ZNF76: variants seen among roughly 807,000 people sequenced by gnomAD.
The protein encoded by ZNF76 is zinc finger protein 76.
ZNF76 carries 66 observed loss-of-function variants against 66.9 expected under a neutral mutation model. That is an observed-to-expected ratio of 0.99 (90% CI 0.81 to 1.21). ZNF76 has a LOEUF of 1.21. ZNF76 is among the 50% of genes most tolerant of loss of function. The pLI is 0.00. For synonymous variants in ZNF76, 275 were observed against 296.1 expected, an observed-to-expected ratio of 0.93 and a Z score of 0.73; for missense variants, 729 against 760.3, an observed-to-expected ratio of 0.96 and a Z score of 0.48.
Position 35,295,383 on chromosome 6 carries a change from A to G in ZNF76, c.*135A>G, listed in dbSNP as rs959812786. 1 of 772,328 alleles carries G rather than the reference A, an allele frequency of 1.3e-6. No individual in the cohort carries two copies. The highest frequency in any genetic ancestry group is 2.2e-6 in the Non-Finnish European group (1 of 451,398). 47.8% of individuals were successfully genotyped at this position (772,328 alleles called of 1,614,324 possible). On this transcript the variant is annotated 3_prime_UTR_variant, in exon 14 of 14. Coordinates refer to ENST00000373953, the MANE Select transcript of ZNF76 (RefSeq NM_003427.5). ...GTCTCTGGGGTGAGAAGACAGCAAG[A>G]AAACTGCCTAACTGAAGGGAATGGG...
At chr6:35,273,115 C>G (rs1787360671) in intron 1 of ZNF76, among the ~76,000 whole-genome samples, 1 of 151,374 alleles carries the variant, frequency 6.6e-6, no homozygotes, top group South Asian at 2.1e-4. Flanking sequence ...GAGCTCGCAC[C>G]ACTGCACTCT....
intron 1 of ZNF76, among the ~76,000 whole-genome samples, 176 bp from the exon 2 acceptor site, chr6:35,280,880 A>G (rs1206949507): frequency 1.3e-5 from 2 of 152,178 alleles, no homozygotes; most frequent in African/African-American, 2.4e-5. Flanking sequence ...TAACTTTTAG[A>G]ATTCTTAGAT....
chr6:35,268,184 T>C (rs1442087203), intron 1 of ZNF76, among the ~76,000 whole-genome samples: 4 of 152,198 alleles, frequency 2.6e-5, no homozygotes, highest in African/African-American at 9.7e-5. Flanking sequence ...TAAATTATAA[T>C]CACTGTAACA....
chr6:35,292,415 G>A lies in ZNF76; in HGVS notation c.932-139G>A, dbSNP rs897268573. 3.5e-5 allele frequency: 29 copies of A among 819,788 alleles called. 2 individuals are homozygous for A. The South Asian group carries it at 4.6e-4, about 13-fold the overall frequency. 50.8% of individuals were successfully genotyped at this position (819,788 alleles called of 1,614,324 possible). A position where few individuals can be genotyped will look rare whatever the true frequency, so the allele number is the denominator to read the frequency against. On this transcript the variant is annotated intron_variant, in intron 9 of 13. Coordinates refer to ENST00000373953, the MANE Select transcript of ZNF76 (RefSeq NM_003427.5). This position sits in a 1 kb window ranked among gnomAD's most constrained non-coding sequence, Gnocchi z 4.7. ...TCCACTGGCCATCTTCCCCAACCCT[G>A]TCCATTCAGAGTCTCAGGTCTCAGT...
At chr6:35,290,868 C>G (rs1217125738) in intron 7 of ZNF76, 152 bp downstream of exon 7, 6 of 744,062 alleles carry the variant, frequency 8.1e-6, no homozygotes, top group Non-Finnish European at 8.9e-6. Context: ...TGGAGGAAAC[C>G]TTGTTACGGG....
chr6:35,279,976 C>T (rs1788514055), intron 1 of ZNF76, among the ~76,000 whole-genome samples: 1 of 150,660 alleles, frequency 6.6e-6, no homozygotes, highest in Admixed American at 6.7e-5. Context: ...GGATTGCAGG[C>T]ATGTGCCACT....
intron 1 of ZNF76, among the ~76,000 whole-genome samples, chr6:35,271,839 A>G (rs1787112910): frequency 6.6e-6 from 1 of 152,232 alleles, no homozygotes; most frequent in African/African-American, 2.4e-5. Context: ...CTATAATTCT[A>G]GCACTTTGTT....
At chr6:35,269,280 C>A (rs1436740321) in intron 1 of ZNF76, among the ~76,000 whole-genome samples, 375 of 82,074 alleles carry the variant, frequency 4.6e-3, no homozygotes, top group East Asian at 0.014. Context: ...GACTCTGTCT[C>A]AAAAAAAAAA....
chr6:35,291,440 G>T, intron 8 of ZNF76, 37 bp downstream of exon 8: 2 of 1,613,642 alleles, frequency 1.2e-6, no homozygotes, highest in South Asian at 2.2e-5. Context: ...CCCATTCCCT[G>T]GGCAAAAGGA....
rs145319691 is a variant in ZNF76, at chr6:35,291,908, A to G, written c.931+171A>G. 590 of 713,820 alleles carry G rather than the reference A, an allele frequency of 8.3e-4. 4 individuals are homozygous for G. In the African/African-American group the frequency reaches 9.3e-3, roughly 11 times the overall value. 44.2% of individuals were successfully genotyped at this position (713,820 alleles called of 1,614,324 possible). A position where few individuals can be genotyped will look rare whatever the true frequency, so the allele number is the denominator to read the frequency against. On this transcript the variant is annotated intron_variant, in intron 9 of 13. Transcript: ENST00000373953. ...CAGAACAACTCTGCTTGCAGTGAGT[A>G]ATTCCTCAATTTCCAGTTAGGTCCA...
chr6:35,267,327 G>A (rs768784170), intron 1 of ZNF76, among the ~76,000 whole-genome samples: 11 of 152,026 alleles, frequency 7.2e-5, no homozygotes, highest in Admixed American at 6.6e-5. Context: ...TGAACTCCTG[G>A]GCTCAAGCCT....
chr6:35,279,409 A>G (rs1788405358), intron 1 of ZNF76: 1 of 149,308 alleles, frequency 6.7e-6, no homozygotes, highest in Non-Finnish European at 1.5e-5. Flanking sequence ...TCGAGCATAA[A>G]TACCTTCAAT....
At chr6:35,277,537 C>T (rs1168752789) in intron 1 of ZNF76, among the ~76,000 whole-genome samples, 2 of 152,224 alleles carry the variant, frequency 1.3e-5, no homozygotes, top group East Asian at 3.8e-4. Flanking sequence ...GTGAAATCCT[C>T]CTTTACTAGT....
At chr6:35,264,713 T>C (rs929863385) in intron 1 of ZNF76, among the ~76,000 whole-genome samples, 6 of 152,142 alleles carry the variant, frequency 3.9e-5, no homozygotes, top group African/African-American at 1.4e-4. Flanking sequence ...GTAGTATATT[T>C]AGTCCTAACC....
chr6:35,295,560 T>G lies in ZNF76; in HGVS notation c.*312T>G, dbSNP rs192199819. 7.0e-4 allele frequency: 272 copies of G among 386,792 alleles called. No individual in the cohort carries two copies. Among genetic ancestry groups the G allele is most frequent in the African/African-American group, 5.1e-3 (243 of 48,096 alleles). The allele number at this position is 386,792 out of a possible 1,614,324, so 24.0% of individuals were successfully genotyped here. On this transcript the variant is annotated 3_prime_UTR_variant, in exon 14 of 14. Transcript: ENST00000373953. ...TAAAGAACACCCTTCTGGCCCTCAGTCTGTTCCCCTTCTCAGGTAGAGATT... is the reference window on the plus strand; with the variant it reads ...TAAAGAACACCCTTCTGGCCCTCAGGCTGTTCCCCTTCTCAGGTAGAGATT...
chr6:35,284,657 TC>T (rs1744572078), intron 2 of ZNF76, among the ~76,000 whole-genome samples: 1 of 152,120 alleles, frequency 6.6e-6, no homozygotes, highest in Admixed American at 6.5e-5. Flanking sequence ...CGCCTTGGCC[TC>T]CCAAAGTGCT....
rs780881460 is a variant in ZNF76 at position 35,281,129 on chromosome 6, G to C, written c.-23G>C. The C allele has an allele frequency of 6.2e-7, 1 of 1,613,610 alleles. No individual in the cohort carries two copies. The highest frequency in any genetic ancestry group is 1.1e-5 in the South Asian group (1 of 91,070). On this transcript the variant is annotated 5_prime_UTR_variant, in exon 2 of 14. Transcript: ENST00000373953. ...CTGGCCAGAAGCCAACTTCATGTCT[G>C]AGTGCACGAGCAGCAGTTTGCCATG...
intron 1 of ZNF76, among the ~76,000 whole-genome samples, chr6:35,273,012 C>T (rs534101445): frequency 3.9e-5 from 6 of 151,972 alleles, no homozygotes; most frequent in Admixed American, 1.3e-4. Flanking sequence ...AAACATTAGC[C>T]GGGCCTGGTG....
chr6:35,265,034 C>T (rs1312405600), intron 1 of ZNF76, among the ~76,000 whole-genome samples: 1 of 152,178 alleles, frequency 6.6e-6, no homozygotes, highest in Admixed American at 6.6e-5. Context: ...TTCATTCATT[C>T]ACTGATTCAT....
Sources: gnomAD v4.1 joint callset for allele counts (sites outside exome capture counted in the v4.1 genomes callset) on GRCh38, gnomAD v4.1.1 for gene constraint, Gnocchi (gnomAD v3.1) non-coding constraint, MANE v1.5 for transcripts, NCBI Gene and HGNC (gene_info 2026-07-23, HGNC 2026-07-21) for gene names.